The following CNTN3 variants were observed in gnomAD, a reference collection of about 807,000 sequenced individuals.
CNTN3 encodes contactin-3.
A neutral mutation model predicts 119.1 loss-of-function variants in CNTN3; 60 were observed. The observed-to-expected ratio is 0.50, with a 90% confidence interval of 0.41 to 0.62. The LOEUF is 0.62. Among genes scored for constraint, CNTN3 ranks in the 20% least tolerant of loss-of-function variants. CNTN3 has a pLI of 0.00. For synonymous variants in CNTN3, 450 were observed against 438.7 expected, an observed-to-expected ratio of 1.03 and a Z score of -0.32; for missense variants, 1,101 against 1,242.4, an observed-to-expected ratio of 0.89 and a Z score of 1.71.
intron 1 of CNTN3, among the ~76,000 whole-genome samples, chr3:74,573,071 T>G (rs1429621623): frequency 6.6e-6 from 1 of 152,072 alleles, no homozygotes; most frequent in Non-Finnish European, 1.5e-5. Context: ...ACAAGGCACG[T>G]GACTCCCTGC....
intron 4 of CNTN3, among the ~76,000 whole-genome samples, chr3:74,450,002 A>G (rs1045726564): frequency 6.6e-5 from 10 of 152,264 alleles, no homozygotes; most frequent in African/African-American, 2.4e-4. Flanking sequence ...TTACATAATC[A>G]TTTAATAGCA....
intron 5 of CNTN3, among the ~76,000 whole-genome samples, chr3:74,393,565 C>T (rs60201756): frequency 0.52 from 78,974 of 152,040 alleles, 21,243 homozygotes; most frequent in Middle Eastern, 0.65. Flanking sequence ...AGGGAGGAGC[C>T]GACCTTGAAA....
intron 2 of CNTN3, among the ~76,000 whole-genome samples, chr3:74,516,856 C>A (rs1317200333): frequency 6.6e-6 from 1 of 151,926 alleles, no homozygotes; most frequent in Non-Finnish European, 1.5e-5. Flanking sequence ...AGATGTCTGG[C>A]TCCTCTAGAA....
chr3:74,272,723 T>A (rs1701802834), intron 20 of CNTN3, among the ~76,000 whole-genome samples: 1 of 152,110 alleles, frequency 6.6e-6, no homozygotes, highest in Admixed American at 6.5e-5. Context: ...AAGAGAAAGT[T>A]AGATTTGGGA....
chr3:74,599,237 A>G (rs1049277881), intron 1 of CNTN3, among the ~76,000 whole-genome samples: 1 of 152,110 alleles, frequency 6.6e-6, no homozygotes, highest in African/African-American at 2.4e-5. Context: ...ATACAGGGGT[A>G]GCCAAGAAAT....
intron 1 of CNTN3, among the ~76,000 whole-genome samples, chr3:74,551,689 T>G (rs936388082): frequency 2.0e-5 from 3 of 151,774 alleles, no homozygotes; most frequent in Non-Finnish European, 4.4e-5. Context: ...TAGTTTTGTG[T>G]TTTCCACATA....
At chr3:74,435,041 T>C (rs1220892968) in intron 4 of CNTN3, among the ~76,000 whole-genome samples, 1 of 152,228 alleles carries the variant, frequency 6.6e-6, no homozygotes, top group Non-Finnish European at 1.5e-5. Context: ...CACAACCAGT[T>C]TGGCTCTTTC....
intron 13 of CNTN3, among the ~76,000 whole-genome samples, chr3:74,334,176 A>G (rs2106706482): frequency 6.6e-6 from 1 of 152,336 alleles, no homozygotes; most frequent in East Asian, 1.9e-4. Flanking sequence ...TGTGTTGTGG[A>G]AACACACCGA....
intron 2 of CNTN3, among the ~76,000 whole-genome samples, chr3:74,500,520 A>G (rs963787250): frequency 6.6e-6 from 1 of 151,730 alleles, no homozygotes; most frequent in Admixed American, 6.6e-5. Flanking sequence ...AAAAAAAAAA[A>G]AAGCTCTTTA....
At chr3:74,285,833 AT>A (rs1702105683) in intron 19 of CNTN3, among the ~76,000 whole-genome samples, 22 of 132,866 alleles carry the variant, frequency 1.7e-4, no homozygotes, top group African/African-American at 4.9e-4. Flanking sequence ...ATATATATAT[AT>A]ATATAAAATT....
chr3:74,570,658 AT>A (rs2106649357), intron 1 of CNTN3, among the ~76,000 whole-genome samples: 1 of 152,212 alleles, frequency 6.6e-6, no homozygotes, highest in African/African-American at 2.4e-5. Context: ...GCTATGTAAA[AT>A]TTTTATGTAT....
chr3:74,388,823 A>C (rs1704821737), intron 5 of CNTN3, among the ~76,000 whole-genome samples: 1 of 152,236 alleles, frequency 6.6e-6, no homozygotes, highest in African/African-American at 2.4e-5. Flanking sequence ...ATATTTTATA[A>C]GGATTCATCA....
intron 13 of CNTN3, among the ~76,000 whole-genome samples, chr3:74,303,420 C>T (rs554007533): frequency 6.6e-5 from 10 of 152,220 alleles, no homozygotes; most frequent in Non-Finnish European, 1.3e-4. Flanking sequence ...TAGCCGGGCA[C>T]GGTGGCTCAA....
chr3:74,368,519 G>A (rs1025951965), intron 8 of CNTN3, among the ~76,000 whole-genome samples: 3 of 151,750 alleles, frequency 2.0e-5, no homozygotes, highest in Admixed American at 6.6e-5. Flanking sequence ...TCTAAGTCAT[G>A]TTTTCATCAA....
intron 1 of CNTN3, among the ~76,000 whole-genome samples, chr3:74,541,617 C>A (rs1333891127): frequency 6.6e-6 from 1 of 151,944 alleles, no homozygotes; most frequent in African/African-American, 2.4e-5. Flanking sequence ...ACAGTAGTGA[C>A]CCTAAAGGCA....
rs576406422 is a variant in CNTN3 at position 74,299,901 on chromosome 3, G to T, written c.2133C>A (p.Gly711=). 1 of 1,605,082 alleles carries T rather than the reference G, an allele frequency of 6.2e-7. No homozygotes were observed. Among genetic ancestry groups the T allele is most frequent in the African/African-American group, 1.3e-5 (1 of 74,738 alleles). The part of the protein sequence containing the change: ...EVPPSEVNGG[G]GSRSELVITW... ...TTATCACAAGTTCAGACCGGCTTCCGCCTCCTCCATTGACTTCAGAAGGAG... is the reference window on the plus strand; with the variant it reads ...TTATCACAAGTTCAGACCGGCTTCCTCCTCCTCCATTGACTTCAGAAGGAG... Residue 711 remains glycine, a synonymous_variant, in exon 17 of 23, where the codon GGC becomes GGA. Coordinates refer to ENST00000263665, the MANE Select transcript of CNTN3 (RefSeq NM_020872.3).
rs1445810955 is a variant in CNTN3, at chr3:74,614,441, G to GCCGCCGCCGCCGCCGCCGCCGCCA, written c.-155_-132dup. Among the ~76,000 whole-genome samples the GCCGCCGCCGCCGCCGCCGCCGCCA allele has an allele frequency of 7.3e-6, 1 of 136,782 alleles. No homozygotes were observed. Among genetic ancestry groups the GCCGCCGCCGCCGCCGCCGCCGCCA allele is most frequent in the African/African-American group, 3.0e-5 (1 of 33,376 alleles). The allele number at this position is 136,782 out of a possible 152,430, so 89.7% of individuals were successfully genotyped here. ...CCGCCCCGACGGCCCACTCGCCGCCGCCGCCGCCGCCGCCGCCGCCGCCAC... is the reference window on the plus strand; with the variant it reads ...CCGCCCCGACGGCCCACTCGCCGCCGCCGCCGCCGCCGCCGCCGCCGCCACCGCCGCCGCCGCCGCCGCCGCCAC... On this transcript the variant is annotated 5_prime_UTR_variant, in exon 1 of 23. Transcript: ENST00000263665.
Position 74,556,094 on chromosome 3 carries a change from G to C in CNTN3, c.-80-34902C>G, listed in dbSNP as rs1308540673. On this transcript the variant is annotated intron_variant, in intron 1 of 22. Transcript: ENST00000263665. The stretch of plus-strand genomic sequence containing the variant: ...AAATGTTTTTCATAGCTTGTAGCTT[G>C]TCTTCTTATTATGGTGATAATGCCC... Among the ~76,000 whole-genome samples, 4 of 152,188 alleles carry C rather than the reference G, an allele frequency of 2.6e-5. No homozygotes were observed. In the East Asian group the frequency reaches 7.7e-4, roughly 29 times the overall value.
At chr3:74,595,737 T>C (rs2106695193) in intron 1 of CNTN3, among the ~76,000 whole-genome samples, 1 of 152,272 alleles carries the variant, frequency 6.6e-6, no homozygotes, top group Non-Finnish European at 1.5e-5. Flanking sequence ...AATATCATAC[T>C]GAATGGGCAA....
Sources: gnomAD v4.1 joint callset for allele counts (sites outside exome capture counted in the v4.1 genomes callset) on GRCh38, gnomAD v4.1.1 for gene constraint, MANE v1.5 for transcripts, NCBI Gene and HGNC (gene_info 2026-07-23, HGNC 2026-07-21) for gene names.